FBXL7: variants seen among roughly 807,000 people sequenced by gnomAD.
FBXL7 encodes F-box and leucine rich repeat protein 7, also known as F-box/LRR-repeat protein 7.
Under a neutral mutation model 38.3 loss-of-function variants are expected in FBXL7, and 12 were observed. The observed-to-expected ratio is 0.31, with a 90% confidence interval of 0.20 to 0.51. FBXL7 has a LOEUF of 0.51. Among genes scored for constraint, FBXL7 ranks in the 20% least tolerant of loss-of-function variants. FBXL7 has a pLI of 0.98. For missense variants in FBXL7, 567 were observed against 676.4 expected (o/e 0.84, Z 1.79); for synonymous variants, 297 against 300.9 (o/e 0.99, Z 0.13).
intron 2 of FBXL7, among the ~76,000 whole-genome samples, chr5:15,797,801 C>T (rs1028698555): frequency 2.8e-4 from 31 of 109,852 alleles, no homozygotes; most frequent in Admixed American, 2.2e-3. Context: ...ACAATTTAGA[C>T]GAGAAATTTG....
At chr5:15,884,784 C>T (rs1289929240) in intron 2 of FBXL7, among the ~76,000 whole-genome samples, 1 of 152,170 alleles carries the variant, frequency 6.6e-6, no homozygotes. Flanking sequence ...GTAATCCTAA[C>T]ACATTCTTTT....
intron 2 of FBXL7, among the ~76,000 whole-genome samples, chr5:15,845,535 GTTAAATA>G (rs1175836944): frequency 2.6e-5 from 4 of 151,842 alleles, no homozygotes; most frequent in Non-Finnish European, 5.9e-5. Context: ...ATAAATATCT[GTTAAATA>G]TTAAAATGAT....
In FBXL7 at chr5:15,663,750, A is replaced by C. The variant is rs542003422; in HGVS notation, c.127+47678A>C. The stretch of plus-strand genomic sequence containing the variant: ...GTATTTTGTTGAGGGTTTTTGCATC[A>C]ATGTTTATCAGAATATTTGCCTGCT... On this transcript the variant is annotated intron_variant, in intron 2 of 3. Transcript: ENST00000504595. 6.2e-4 allele frequency among the ~76,000 whole-genome samples: 95 copies of C among 152,238 alleles called. 1 individual carries two copies. Among genetic ancestry groups the C allele is most frequent in the African/African-American group, 2.2e-3 (90 of 41,548 alleles).
chr5:15,664,451 TTC>T (rs1361091557), intron 2 of FBXL7, among the ~76,000 whole-genome samples: 1 of 151,170 alleles, frequency 6.6e-6, no homozygotes, highest in African/African-American at 2.4e-5. Context: ...GATTCAAATT[TTC>T]TCTTTTTTTC....
chr5:15,845,320 T>A (rs1210327484), intron 2 of FBXL7, among the ~76,000 whole-genome samples: 1 of 152,212 alleles, frequency 6.6e-6, no homozygotes, highest in Admixed American at 6.5e-5. Flanking sequence ...ACAACTTGAA[T>A]GCATTCAATA....
intron 2 of FBXL7, among the ~76,000 whole-genome samples, chr5:15,705,657 C>A (rs544987743): frequency 3.9e-4 from 60 of 152,094 alleles, no homozygotes; most frequent in African/African-American, 1.4e-3. Flanking sequence ...ATAAATCAGC[C>A]CTCACATTTT....
intron 1 of FBXL7, among the ~76,000 whole-genome samples, chr5:15,542,763 G>C (rs1050305931): frequency 1.2e-4 from 19 of 152,144 alleles, no homozygotes; most frequent in Non-Finnish European, 2.2e-4. Flanking sequence ...CATTCTAAAT[G>C]GGAAATTCCT....
intron 2 of FBXL7, among the ~76,000 whole-genome samples, chr5:15,829,535 C>G (rs775897133): frequency 3.3e-5 from 5 of 152,062 alleles, no homozygotes; most frequent in Non-Finnish European, 7.4e-5. Context: ...AAAAATGAAA[C>G]AGACTTTTTT....
intron 2 of FBXL7, among the ~76,000 whole-genome samples, chr5:15,658,650 A>G (rs1741957029): frequency 6.6e-6 from 1 of 151,648 alleles, no homozygotes; most frequent in Non-Finnish European, 1.5e-5. Context: ...AGGGCTTACA[A>G]CTCTAAGGGG....
At chr5:15,630,705 C>T (rs1372383433) in intron 2 of FBXL7, among the ~76,000 whole-genome samples, 1 of 152,018 alleles carries the variant, frequency 6.6e-6, no homozygotes, top group Non-Finnish European at 1.5e-5. Context: ...CTGGACAGGA[C>T]AGAAATTGGG....
chr5:15,816,236 G>GA (rs1189517433), intron 2 of FBXL7, among the ~76,000 whole-genome samples: 3 of 146,812 alleles, frequency 2.0e-5, no homozygotes, highest in African/African-American at 7.5e-5. Flanking sequence ...TGAGTGAATA[G>GA]AAAAAATCTG....
At chr5:15,869,191 T>C (rs544244223) in intron 2 of FBXL7, among the ~76,000 whole-genome samples, 1 of 152,324 alleles carries the variant, frequency 6.6e-6, no homozygotes, top group Non-Finnish European at 1.5e-5. Context: ...CTTTGTAGCC[T>C]AATCTTGGAA....
intron 2 of FBXL7, among the ~76,000 whole-genome samples, chr5:15,628,600 A>G (rs1309948941): frequency 6.6e-6 from 1 of 152,178 alleles, no homozygotes; most frequent in Non-Finnish European, 1.5e-5. Context: ...CTTCTGAATA[A>G]TCCATCCATT....
intron 1 of FBXL7, among the ~76,000 whole-genome samples, chr5:15,559,942 A>C (rs1738362759): frequency 1.3e-5 from 2 of 152,226 alleles, no homozygotes; most frequent in African/African-American, 4.8e-5. Context: ...AGTTACACGC[A>C]ATCACTTTCA....
At chr5:15,648,988 T>TTTTGTTTG (rs531130064) in intron 2 of FBXL7, among the ~76,000 whole-genome samples, 1 of 152,010 alleles carries the variant, frequency 6.6e-6, no homozygotes, top group Non-Finnish European at 1.5e-5. Flanking sequence ...ATTTTCTGTT[T>TTTTGTTTG]TTTGTTTGTT....
intron 2 of FBXL7, among the ~76,000 whole-genome samples, chr5:15,852,973 C>T (rs187801168): frequency 2.0e-5 from 3 of 152,298 alleles, no homozygotes; most frequent in Admixed American, 2.0e-4. Flanking sequence ...AGGGCTGTCA[C>T]TCATGGAGGG....
intron 2 of FBXL7, among the ~76,000 whole-genome samples, chr5:15,847,390 C>G (rs1392914444): frequency 6.6e-6 from 1 of 152,090 alleles, no homozygotes; most frequent in Non-Finnish European, 1.5e-5. Flanking sequence ...ATCACAAGAA[C>G]AGCAGCATGA....
intron 2 of FBXL7, among the ~76,000 whole-genome samples, chr5:15,784,328 A>G (rs777205509): frequency 1.3e-4 from 20 of 152,208 alleles, no homozygotes; most frequent in Non-Finnish European, 2.4e-4. Flanking sequence ...ATATGCTGTT[A>G]GGTTTGTAGC....
At chr5:15,881,463 T>A (rs1724883886) in intron 2 of FBXL7, among the ~76,000 whole-genome samples, 1 of 152,252 alleles carries the variant, frequency 6.6e-6, no homozygotes, top group Non-Finnish European at 1.5e-5. Context: ...TTTTTGCAAT[T>A]GCAGATTATG....
Sources: allele counts gnomAD v4.1 joint callset (sites outside exome capture counted in the v4.1 genomes callset), GRCh38; gene constraint gnomAD v4.1.1; transcripts MANE v1.5; gene names NCBI Gene and HGNC (gene_info 2026-07-23, HGNC 2026-07-21).